Variants in RETN observed in about 807,000 individuals in gnomAD.
The protein encoded by RETN is C/EBP-epsilon regulated myeloid-specific secreted cysteine-rich protein precursor 1.
In RETN, 5 loss-of-function variants were observed where a neutral mutation model predicts 6.1. The observed-to-expected ratio is 0.82, with a 90% confidence interval of 0.43 to 1.73. The LOEUF (loss-of-function observed/expected upper bound fraction) is 1.73, where lower values mean the gene tolerates loss of function less well. RETN is among the 40% of genes most tolerant of loss of function. The pLI, the probability that RETN is intolerant of heterozygous loss-of-function variation, is 0.02. For missense variants in RETN, 168 were observed against 142.5 expected, an observed-to-expected ratio of 1.18 and a Z score of -0.91; for synonymous variants, 62 against 59.2, an observed-to-expected ratio of 1.05 and a Z score of -0.22.
intron 2 of RETN, 73 bp downstream of exon 2, chr19:7,669,517 T>C (rs1599417841): frequency 1.8e-6 from 2 of 1,082,256 alleles, no homozygotes; most frequent in East Asian, 4.7e-5. Context: ...CAGACCTGAC[T>C]CCAACCCAGC....
Position 7,670,393 on chromosome 19 carries a change from G to C in RETN, c.*44G>C. On this transcript the variant is annotated 3_prime_UTR_variant, in exon 4 of 4. Transcript: ENST00000221515. ...CACAGCGCGGGCGGAGGCGGCTCCA[G>C]GTCCGGAGGGGTTGCGGGGGAGCTG... is the stretch of plus-strand genomic sequence containing the variant. 6.6e-7 allele frequency: 1 copy of C among 1,524,718 alleles called. No homozygotes were observed. The highest frequency in any genetic ancestry group is 1.9e-4 in the Middle Eastern group (1 of 5,372). 94.4% of individuals were successfully genotyped at this position (1,524,718 alleles called of 1,614,324 possible). A position where few individuals can be genotyped will look rare whatever the true frequency, so the allele number is the denominator to read the frequency against.
rs1302645430 is a variant in RETN at position 7,670,217 on chromosome 19, A to C, written c.197-2A>C. On this transcript the variant is annotated splice_acceptor_variant, in intron 3 of 3. Transcript: ENST00000221515. LOFTEE classifies it high-confidence loss of function. ...TCCACGCTCCTGTGTTCCGGGCTGC[A>C]GGCTTCGCCGTCACCGGCTGCACTT... is the stretch of plus-strand genomic sequence containing the variant. 8 of 1,576,902 alleles carry C rather than the reference A, an allele frequency of 5.1e-6. No individual in the cohort carries two copies. The highest frequency in any genetic ancestry group is 6.9e-6 in the Non-Finnish European group (8 of 1,164,012).
At position 7,669,207 on chromosome 19, in the gene RETN, G is replaced by A. The variant is rs559445394; in HGVS notation, c.-11+86G>A. On this transcript the variant is annotated intron_variant, in intron 1 of 3. Coordinates refer to ENST00000221515, the MANE Select transcript of RETN (RefSeq NM_020415.4). ...GAGCCTCCATCCCTGTCCCCCACAT[G>A]GGGGGACAGGGGTCCAGGTCCAGGG... 1.7e-5 allele frequency: 13 copies of A among 766,086 alleles called. No individual in the cohort carries two copies. The East Asian group carries it at 2.0e-4, about 12-fold the overall frequency. 47.5% of individuals were successfully genotyped at this position (766,086 alleles called of 1,614,324 possible). A position where few individuals can be genotyped will look rare whatever the true frequency, so the allele number is the denominator to read the frequency against.
rs2032450828 is a variant in RETN, at chr19:7,669,332, AGC to A, written c.7_8del (p.Ala3SerfsTer15). The A allele has an allele frequency of 6.2e-7, 1 of 1,613,062 alleles. No homozygotes were observed. Among genetic ancestry groups the A allele is most frequent in the Non-Finnish European group, 8.5e-7 (1 of 1,179,240 alleles). On this transcript the variant is annotated frameshift_variant, in exon 2 of 4. Coordinates refer to ENST00000221515, the MANE Select transcript of RETN (RefSeq NM_020415.4). LOFTEE classifies it high-confidence loss of function. ...CCTCTTTCAGCGCCTGCAGGATGAA[AGC>A]TCTCTGTCTCCTCCTCCTCCCTGTC... MK[A>X]LCLLLLPVLG...
At chr19:7,670,117 C>G (rs2032472368) in intron 3 of RETN, 102 bp from the exon 4 acceptor site, 1 of 570,122 alleles carries the variant, frequency 1.8e-6, no homozygotes, top group Non-Finnish European at 3.2e-6. Flanking sequence ...TCCCCGTCCC[C>G]ACCCCCGCCC....
In RETN at chr19:7,669,434, C is replaced by A. The variant is rs780847957; in HGVS notation, c.108C>A (p.Ala36=). Residue 36 remains alanine, a synonymous_variant, in exon 2 of 4, where the codon GCC becomes GCA. Coordinates refer to ENST00000221515, the MANE Select transcript of RETN (RefSeq NM_020415.4). ...EAINERIQEV[A]GSLIFRAISS... The stretch of plus-strand genomic sequence containing the variant: ...TCAATGAGAGGATCCAGGAGGTCGC[C>A]GGCTCCCTAAGTGAGGACCCCCCAC... 4.4e-5 allele frequency: 71 copies of A among 1,613,152 alleles called. No homozygotes were observed. The highest frequency in any genetic ancestry group is 5.8e-5 in the Non-Finnish European group (68 of 1,179,340).
chr19:7,669,699 G>A (rs1359574082), intron 2 of RETN, 122 bp from the exon 3 acceptor site: 18 of 860,308 alleles, frequency 2.1e-5, no homozygotes, highest in Non-Finnish European at 1.9e-6. Context: ...ACAGGGTCCT[G>A]GAGGCCAGTG....
rs1158425504 is a variant in RETN, at chr19:7,669,527, C to A, written c.118+83C>A. 63 of 981,318 alleles carry A rather than the reference C, an allele frequency of 6.4e-5. 1 individual carries two copies. In the South Asian group the frequency reaches 6.8e-4, roughly 11 times the overall value. 60.8% of individuals were successfully genotyped at this position (981,318 alleles called of 1,614,324 possible). A position where few individuals can be genotyped will look rare whatever the true frequency, so the allele number is the denominator to read the frequency against. Reference sequence around the variant, plus strand: ...TGGCACAGACCTGACTCCAACCCAGCCCCAGCGCTCACCAAATCTCATCCT... The same window carrying A: ...TGGCACAGACCTGACTCCAACCCAGACCCAGCGCTCACCAAATCTCATCCT... On this transcript the variant is annotated intron_variant, in intron 2 of 3. Transcript: ENST00000221515.
In RETN at chr19:7,670,394, G is replaced by T. The variant is rs1409366774; in HGVS notation, c.*45G>T. ...ACAGCGCGGGCGGAGGCGGCTCCAG[G>T]TCCGGAGGGGTTGCGGGGGAGCTGG... On this transcript the variant is annotated 3_prime_UTR_variant, in exon 4 of 4. Coordinates refer to ENST00000221515, the MANE Select transcript of RETN (RefSeq NM_020415.4). The T allele has an allele frequency of 6.6e-7, 1 of 1,524,652 alleles. No homozygotes were observed. Among genetic ancestry groups the T allele is most frequent in the South Asian group, 1.2e-5 (1 of 83,750 alleles). The allele number at this position is 1,524,652 out of a possible 1,614,324, so 94.4% of individuals were successfully genotyped here.
Position 7,669,245 on chromosome 19 carries a change from C to T in RETN, c.-10-72C>T, listed in dbSNP as rs1440770036. On this transcript the variant is annotated intron_variant, in intron 1 of 3. Coordinates refer to ENST00000221515, the MANE Select transcript of RETN (RefSeq NM_020415.4). ...TCCAGGTCCAGGGGCAGATCCTACTCCCTCCATGGGCCGGATCTTCCCCAC... is the reference window on the plus strand; with the variant it reads ...TCCAGGTCCAGGGGCAGATCCTACTTCCTCCATGGGCCGGATCTTCCCCAC... 5.6e-6 allele frequency: 6 copies of T among 1,064,750 alleles called. No individual in the cohort carries two copies. In the African/African-American group the frequency reaches 6.2e-5, roughly 11 times the overall value. The allele number at this position is 1,064,750 out of a possible 1,614,324, so 66.0% of individuals were successfully genotyped here. A position where few individuals can be genotyped will look rare whatever the true frequency, so the allele number is the denominator to read the frequency against.
At position 7,670,378 on chromosome 19, in the gene RETN, G is replaced by A; in HGVS notation, c.*29G>A. On this transcript the variant is annotated 3_prime_UTR_variant, in exon 4 of 4. Transcript: ENST00000221515. ...CGCGCGCAGCGCGTGCACAGCGCGG[G>A]CGGAGGCGGCTCCAGGTCCGGAGGG... 6.5e-7 allele frequency: 1 copy of A among 1,533,436 alleles called. No individual in the cohort carries two copies. The highest frequency in any genetic ancestry group is 8.7e-7 in the Non-Finnish European group (1 of 1,143,432). The allele number at this position is 1,533,436 out of a possible 1,614,324, so 95.0% of individuals were successfully genotyped here.
intron 3 of RETN, 110 bp from the exon 4 acceptor site, chr19:7,670,109 C>CCGGGG: frequency 1.6e-6 from 1 of 624,222 alleles, no homozygotes; most frequent in Non-Finnish European, 2.9e-6. Context: ...TCCAGCCGTC[C>CCGGGG]CCGTCCCCAC....
At chr19:7,669,523 C>A in intron 2 of RETN, 79 bp downstream of exon 2, 1 of 1,015,650 alleles carries the variant, frequency 9.8e-7, no homozygotes, top group Non-Finnish European at 1.6e-6. Context: ...TGACTCCAAC[C>A]CAGCCCCAGC....
chr19:7,670,113 T>TCCCCCCCCCCCCCCCCCC, intron 3 of RETN, 106 bp from the exon 4 acceptor site: 2 of 465,516 alleles, frequency 4.3e-6, no homozygotes, highest in Non-Finnish European at 7.9e-6. Context: ...GCCGTCCCCG[T>TCCCCCCCCCCCCCCCCCC]CCCCACCCCC....
At chr19:7,669,730 CCTAGCTCCAAACCAACAGGG>C (rs1308332958) in intron 2 of RETN, 71 bp from the exon 3 acceptor site, 1 of 1,180,632 alleles carries the variant, frequency 8.5e-7, no homozygotes, top group Admixed American at 1.9e-5. Flanking sequence ...CCCACAGGGA[CCTAGCTCCAAACCAACAGGG>C]CTAGGGGAGG....
intron 1 of RETN, 60 bp downstream of exon 1, chr19:7,669,181 T>C: frequency 1.5e-6 from 1 of 683,742 alleles, no homozygotes; most frequent in Non-Finnish European, 2.6e-6. Flanking sequence ...GGGTCAAGGC[T>C]GAGCCTCCAT....
rs35507159 is a variant in RETN, at chr19:7,669,456, C to T, written c.118+12C>T. 8.1e-4 allele frequency: 1,284 copies of T among 1,583,532 alleles called. 8 individuals carry two copies. The African/African-American group carries it at 0.015, about 19-fold the overall frequency. On this transcript the variant is annotated intron_variant, in intron 2 of 3. Transcript: ENST00000221515. ...CGCCGGCTCCCTAAGTGAGGACCCCCCACTTGGGCAAGCTCCCCAAGGGTC... is the reference window on the plus strand; with the variant it reads ...CGCCGGCTCCCTAAGTGAGGACCCCTCACTTGGGCAAGCTCCCCAAGGGTC...
intron 3 of RETN, 106 bp from the exon 4 acceptor site, chr19:7,670,113 T>TGGC: frequency 2.1e-6 from 1 of 465,516 alleles, no homozygotes; most frequent in Non-Finnish European, 3.9e-6. Flanking sequence ...GCCGTCCCCG[T>TGGC]CCCCACCCCC....
intron 2 of RETN, 39 bp downstream of exon 2, chr19:7,669,483 C>G (rs3219177): frequency 2.1e-6 from 3 of 1,429,474 alleles, no homozygotes; most frequent in African/African-American, 2.8e-5. Context: ...CCAAGGGTCT[C>G]AGAGACCTCA....
Sources: gnomAD v4.1 joint callset for allele counts on GRCh38, gnomAD v4.1.1 for gene constraint, MANE v1.5 for transcripts, NCBI Gene and HGNC (gene_info 2026-07-23, HGNC 2026-07-21) for gene names.